Variants in SUGCT observed in about 807,000 individuals in gnomAD.
The protein encoded by SUGCT is succinyl-CoA:glutarate CoA-transferase.
In SUGCT, 41 loss-of-function variants were observed where a neutral mutation model predicts 55.0. The observed-to-expected ratio is 0.74, with a 90% CI of 0.58 to 0.97. The LOEUF (loss-of-function observed/expected upper bound fraction) is 0.97. Among genes scored for constraint, SUGCT ranks in the 50% least tolerant of loss-of-function variants. The probability of loss-of-function intolerance (pLI) is 0.00; values close to 1 mark genes in which losing one functional copy is unlikely to be tolerated. For missense variants in SUGCT, 568 were observed against 547.8 expected (o/e 1.04, Z -0.37); for synonymous variants, 187 against 200.4 (o/e 0.93, Z 0.56).
In SUGCT at chr7:40,285,718, T is replaced by C. The variant is rs73133557; in HGVS notation, c.720+11062T>C. On this transcript the variant is annotated intron_variant, in intron 8 of 13. Coordinates refer to ENST00000335693, the MANE Select transcript of SUGCT (RefSeq NM_001193313.2). ...AGGTGTAATTCTAGGAAAATTACTT[T>C]AGTTCTTCACAGAATGGGTATGAGG... is the stretch of plus-strand genomic sequence containing the variant. Among the ~76,000 whole-genome samples, 497 of 152,310 alleles carry C rather than the reference T, an allele frequency of 3.3e-3. 2 individuals carry two copies. Among genetic ancestry groups the C allele is most frequent in the Non-Finnish European group, 5.5e-3 (376 of 68,022 alleles).
At chr7:40,809,975 C>T (rs1017600405) in intron 13 of SUGCT, among the ~76,000 whole-genome samples, 3 of 152,090 alleles carry the variant, frequency 2.0e-5, no homozygotes, top group African/African-American at 4.8e-5. Context: ...TTTTTTATGT[C>T]TATGTAGTAT....
the SUGCT span, among the ~76,000 whole-genome samples, chr7:40,978,736 A>G: frequency 2.0e-5 from 3 of 152,234 alleles, no homozygotes; most frequent in African/African-American, 4.8e-5. Context: ...TGTCAAGGCC[A>G]TGAGGCAGAA....
rs757432384 is a variant in SUGCT, at chr7:40,274,626, G to T, written c.690G>T (p.Leu230=). The T allele has an allele frequency of 6.2e-7, 1 of 1,613,506 alleles. No individual in the cohort carries two copies. The highest frequency in any genetic ancestry group is 1.3e-5 in the African/African-American group (1 of 74,908). Residue 230 remains leucine, a synonymous_variant, in exon 8 of 14, where the codon CTG becomes CTT. Transcript: ENST00000335693. ...LIQKYKTGKG[L]FIDCNLLSSQ... is the part of the protein sequence containing the mutation. ...AAAAATACAAAACTGGGAAAGGACT[G>T]TTCATTGATTGTAACCTACTGTCAT...
chr7:40,538,428 T>G (rs1794487033), intron 12 of SUGCT: 1 of 152,204 alleles, frequency 6.6e-6, no homozygotes, highest in South Asian at 2.1e-4. Context: ...AAATGAAGGC[T>G]TATGACTCAG....
chr7:41,013,260 T>A, the SUGCT span, among the ~76,000 whole-genome samples: 1 of 152,206 alleles, frequency 6.6e-6, no homozygotes, highest in Non-Finnish European at 1.5e-5. Context: ...TCTGGATGGC[T>A]TGGTAAACTA....
intron 8 of SUGCT, among the ~76,000 whole-genome samples, chr7:40,286,882 C>T (rs1793383371): frequency 1.3e-5 from 2 of 152,128 alleles, no homozygotes; most frequent in African/African-American, 4.8e-5. Context: ...TTGGGCCAAG[C>T]CTGTAGAGCC....
chr7:40,503,016 A>G (rs1562822275), intron 12 of SUGCT, among the ~76,000 whole-genome samples: 1 of 152,156 alleles, frequency 6.6e-6, no homozygotes, highest in Admixed American at 6.5e-5. Context: ...TACTCAAACA[A>G]ATGATTTCTA....
intron 9 of SUGCT, among the ~76,000 whole-genome samples, chr7:40,366,244 A>G (rs577795588): frequency 6.6e-6 from 1 of 152,208 alleles, no homozygotes; most frequent in East Asian, 1.9e-4. Flanking sequence ...CCTTCCTTAC[A>G]CCTTATACAA....
At chr7:40,933,203 C>T in the SUGCT span, among the ~76,000 whole-genome samples, 2 of 152,050 alleles carry the variant, frequency 1.3e-5, no homozygotes, top group Non-Finnish European at 2.9e-5. Flanking sequence ...AGCCTAGTTT[C>T]GCTGGATATG....
Position 40,324,261 on chromosome 7 carries a change from A to ATATATATTTATT in SUGCT, c.816+7409_816+7410insATATTTATTTAT, listed in dbSNP as rs377215730. On this transcript the variant is annotated intron_variant, in intron 9 of 13. Transcript: ENST00000335693. ...AATAAATAAATAAATAAATATATAT[A>ATATATATTTATT]TATTTATTTTTTGAGACAGAGTCTT... Among the ~76,000 whole-genome samples, 68 of 99,962 alleles carry ATATATATTTATT rather than the reference A, an allele frequency of 6.8e-4. 3 individuals carry two copies. The highest frequency in any genetic ancestry group is 3.1e-3 in the South Asian group (8 of 2,602). 65.6% of individuals were successfully genotyped at this position (99,962 alleles called of 152,430 possible). A position where few individuals can be genotyped will look rare whatever the true frequency, so the allele number is the denominator to read the frequency against.
the SUGCT span, among the ~76,000 whole-genome samples, chr7:40,976,893 A>G: frequency 1.3e-5 from 2 of 152,182 alleles, no homozygotes; most frequent in Non-Finnish European, 2.9e-5. Context: ...CAATGAGGTA[A>G]TGGTCCCACA....
At chr7:40,763,700 T>A (rs986654524) in intron 13 of SUGCT, among the ~76,000 whole-genome samples, 3 of 152,144 alleles carry the variant, frequency 2.0e-5, no homozygotes, top group Non-Finnish European at 4.4e-5. Flanking sequence ...GGCATTCATA[T>A]GGTATATGGA....
intron 9 of SUGCT, among the ~76,000 whole-genome samples, chr7:40,349,323 C>T (rs1181607398): frequency 6.6e-6 from 1 of 152,080 alleles, no homozygotes; most frequent in Admixed American, 6.6e-5. Flanking sequence ...TTGATTTGGC[C>T]ATTGCTTCAG....
chr7:40,967,565 C>G, the SUGCT span, among the ~76,000 whole-genome samples: 1 of 152,068 alleles, frequency 6.6e-6, no homozygotes, highest in Non-Finnish European at 1.5e-5. Context: ...ATTCTGGCTA[C>G]ATAGCATTGA....
At chr7:40,297,590 C>T (rs4469366) in intron 8 of SUGCT, among the ~76,000 whole-genome samples, 1 of 152,100 alleles carries the variant, frequency 6.6e-6, no homozygotes, top group Non-Finnish European at 1.5e-5. Flanking sequence ...TAAAAGAGAT[C>T]TTGAGGTAAC....
chr7:40,573,290 CT>C (rs1796553378), intron 12 of SUGCT, among the ~76,000 whole-genome samples: 1 of 152,184 alleles, frequency 6.6e-6, no homozygotes. Context: ...AGCTGTGGAT[CT>C]TTAGATTGTC....
At chr7:40,981,286 A>G in the SUGCT span, among the ~76,000 whole-genome samples, 1 of 152,146 alleles carries the variant, frequency 6.6e-6, no homozygotes, top group East Asian at 1.9e-4. Flanking sequence ...TTGCAACCAG[A>G]TAGTTTCATG....
chr7:40,420,211 T>A lies in SUGCT; in HGVS notation c.817-29076T>A, dbSNP rs1475455322. Among the ~76,000 whole-genome samples, 3 of 152,176 alleles carry A rather than the reference T, an allele frequency of 2.0e-5. No individual in the cohort carries two copies. The East Asian group carries it at 5.8e-4, about 29-fold the overall frequency. On this transcript the variant is annotated intron_variant, in intron 9 of 13. Transcript: ENST00000335693. ...AAAGTGTCAAAGGCACATTGGGGTATGTTGCTGTTACTAGCTGCAGTGAAA... is the reference window on the plus strand; with the variant it reads ...AAAGTGTCAAAGGCACATTGGGGTAAGTTGCTGTTACTAGCTGCAGTGAAA...
At chr7:40,213,065 A>T (rs1398297540) in intron 6 of SUGCT, among the ~76,000 whole-genome samples, 1 of 152,242 alleles carries the variant, frequency 6.6e-6, no homozygotes, top group African/African-American at 2.4e-5. Flanking sequence ...CTATAGGTCA[A>T]GATTATTAAT....
Sources: gnomAD v4.1 joint callset for allele counts (sites outside exome capture counted in the v4.1 genomes callset) on GRCh38, gnomAD v4.1.1 for gene constraint, MANE v1.5 for transcripts, NCBI Gene and HGNC (gene_info 2026-07-23, HGNC 2026-07-21) for gene names.